Variants in MSI2 observed in about 807,000 individuals in gnomAD.
The protein encoded by MSI2 is musashi RNA binding protein 2.
Under a neutral mutation model 45.6 loss-of-function variants are expected in MSI2, and 17 were observed. That is an observed-to-expected ratio of 0.37 (90% CI 0.26 to 0.56). The LOEUF (loss-of-function observed/expected upper bound fraction) is 0.56. Ranked by LOEUF, MSI2 falls within the 20% of genes least tolerant of loss-of-function variation. The pLI, the probability that MSI2 is intolerant of heterozygous loss-of-function variation, is 0.77. For missense variants in MSI2, 293 were observed against 444.2 expected, an observed-to-expected ratio of 0.66 and a Z score of 3.06; for synonymous variants, 156 against 158.2, an observed-to-expected ratio of 0.99 and a Z score of 0.11.
At position 57,477,174 on chromosome 17, in the gene MSI2, G is replaced by A. The variant is rs945883784; in HGVS notation, c.406-52502G>A. Among the ~76,000 whole-genome samples, 190 of 150,326 alleles carry A rather than the reference G, an allele frequency of 1.3e-3. 1 individual carries two copies. The highest frequency in any genetic ancestry group is 4.6e-3 in the African/African-American group (187 of 40,770). On this transcript the variant is annotated intron_variant, in intron 6 of 13. Coordinates refer to ENST00000284073, the MANE Select transcript of MSI2 (RefSeq NM_138962.4). Reference sequence around the variant, plus strand: ...TGTGTGTGTGTGTGTGTGTGTGTGTGTGTGTGTGTGTGTGTGTGTGTGTGT... The same window carrying A: ...TGTGTGTGTGTGTGTGTGTGTGTGTATGTGTGTGTGTGTGTGTGTGTGTGT...
intron 10 of MSI2, among the ~76,000 whole-genome samples, chr17:57,646,608 A>G (rs1026328427): frequency 3.3e-5 from 5 of 152,214 alleles, no homozygotes; most frequent in Non-Finnish European, 7.4e-5. Context: ...TGTCGTGTCC[A>G]ATTGCACAGC....
intron 5 of MSI2, among the ~76,000 whole-genome samples, chr17:57,382,609 T>A (rs963104370): frequency 6.6e-6 from 1 of 152,144 alleles, no homozygotes; most frequent in African/African-American, 2.4e-5. Context: ...GGGAAACTGA[T>A]AACAAAGGGC....
chr17:57,319,979 T>TA (rs1328477759), intron 5 of MSI2, among the ~76,000 whole-genome samples: 1 of 152,072 alleles, frequency 6.6e-6, no homozygotes, highest in African/African-American at 2.4e-5. Flanking sequence ...TCAGATCCCT[T>TA]ATTGTTCCTC....
At chr17:57,255,905 T>C (rs1309919380), upstream of MSI2, 1 of 151,288 alleles carries the variant, frequency 6.6e-6, no homozygotes, top group Non-Finnish European at 1.5e-5. Context: ...GGCTGGTGTT[T>C]GTGCAGGAGG....
At chr17:57,364,774 C>A (rs1308600195) in intron 5 of MSI2, 1 of 152,178 alleles carries the variant, frequency 6.6e-6, no homozygotes, top group East Asian at 1.9e-4. Context: ...CCCAAGCTCC[C>A]TTTTGGGATT....
chr17:57,662,268 G>A (rs777063323), intron 11 of MSI2, among the ~76,000 whole-genome samples: 1 of 152,182 alleles, frequency 6.6e-6, no homozygotes, highest in Non-Finnish European at 1.5e-5. Context: ...ACACCACGAT[G>A]GCAGCCACTC....
chr17:57,377,065 C>T (rs985980770), intron 5 of MSI2, among the ~76,000 whole-genome samples: 2 of 152,170 alleles, frequency 1.3e-5, no homozygotes, highest in African/African-American at 2.4e-5. Flanking sequence ...GGACTACAGG[C>T]GCCCGCCACC....
intron 6 of MSI2, among the ~76,000 whole-genome samples, chr17:57,416,647 T>G (rs1187999393): frequency 6.7e-6 from 1 of 149,810 alleles, no homozygotes; most frequent in African/African-American, 2.4e-5. Flanking sequence ...GTTGTTGCCC[T>G]TTTTGGGGGT....
downstream of MSI2, among the ~76,000 whole-genome samples, chr17:57,686,278 A>G (rs903444146): frequency 2.6e-5 from 4 of 152,222 alleles, no homozygotes; most frequent in African/African-American, 9.6e-5. Flanking sequence ...GCTAGAGAAC[A>G]ACAAATTTTC....
chr17:57,427,345 C>T (rs1156544353), intron 6 of MSI2, among the ~76,000 whole-genome samples: 8 of 151,864 alleles, frequency 5.3e-5, no homozygotes, highest in South Asian at 2.1e-4. Flanking sequence ...TTGCAGTGAG[C>T]GGAGATCGCA....
intron 6 of MSI2, among the ~76,000 whole-genome samples, chr17:57,459,386 G>T (rs1351788261): frequency 6.6e-6 from 1 of 152,192 alleles, no homozygotes; most frequent in Non-Finnish European, 1.5e-5. Flanking sequence ...GCATCACGCG[G>T]CCTGGAGACA....
intron 10 of MSI2, among the ~76,000 whole-genome samples, chr17:57,650,825 G>A (rs1337212874): frequency 6.6e-6 from 1 of 152,132 alleles, no homozygotes; most frequent in African/African-American, 2.4e-5. Context: ...TCTGTTTGGG[G>A]GAGCTTTGTC....
intron 5 of MSI2, among the ~76,000 whole-genome samples, chr17:57,366,667 G>A (rs927512390): frequency 1.6e-4 from 24 of 152,176 alleles, no homozygotes; most frequent in African/African-American, 5.8e-4. Flanking sequence ...GAAGAGGTGG[G>A]GACAGCCAAG....
chr17:57,551,787 C>T (rs1410989221), intron 7 of MSI2, among the ~76,000 whole-genome samples: 1 of 152,184 alleles, frequency 6.6e-6, no homozygotes, highest in African/African-American at 2.4e-5. Context: ...TTAAAAAGAT[C>T]ACGGGCGTGA....
intron 6 of MSI2, among the ~76,000 whole-genome samples, chr17:57,467,555 G>A (rs2085350928): frequency 6.6e-6 from 1 of 152,166 alleles, no homozygotes; most frequent in South Asian, 2.1e-4. Context: ...AAGATGGCTA[G>A]ATGGGTGGAT....
chr17:57,416,236 G>T (rs1256232532), intron 6 of MSI2, among the ~76,000 whole-genome samples: 1 of 152,194 alleles, frequency 6.6e-6, no homozygotes, highest in African/African-American at 2.4e-5. Flanking sequence ...TTTGTAGGGG[G>T]TTGTTTGTTT....
intron 6 of MSI2, among the ~76,000 whole-genome samples, chr17:57,420,055 G>A (rs536402904): frequency 2.0e-5 from 3 of 152,338 alleles, no homozygotes; most frequent in South Asian, 2.1e-4. Context: ...ATGATCTGAC[G>A]ACCTTGTAAG....
In MSI2 at chr17:57,613,060, T is replaced by C. The variant is rs556897861; in HGVS notation, c.538-2910T>C. ...GCCAATTTGGATGAGTTTGTTGTTT[T>C]CAATCACCTTTCCCCCCTACCTGCA... On this transcript the variant is annotated intron_variant, in intron 8 of 13. Transcript: ENST00000284073. Among the ~76,000 whole-genome samples, 252 of 152,300 alleles carry C rather than the reference T, an allele frequency of 1.7e-3. 3 individuals carry two copies. The highest frequency in any genetic ancestry group is 6.0e-3 in the African/African-American group (248 of 41,568).
chr17:57,618,595 G>A lies in MSI2; in HGVS notation c.652+2511G>A, dbSNP rs567540569. ...AGTCTCGCTCTGTCGCCAGGCTGGA[G>A]TGCCGTGGCGCGATCTCAGCTCACT... On this transcript the variant is annotated intron_variant, in intron 9 of 13. Transcript: ENST00000284073. Among the ~76,000 whole-genome samples, 20 of 152,264 alleles carry A rather than the reference G, an allele frequency of 1.3e-4. No individual in the cohort carries two copies. The South Asian group carries it at 3.7e-3, about 28-fold the overall frequency.
Sources: gnomAD v4.1 joint callset for allele counts (sites outside exome capture counted in the v4.1 genomes callset) on GRCh38, gnomAD v4.1.1 for gene constraint, MANE v1.5 for transcripts, NCBI Gene and HGNC (gene_info 2026-07-23, HGNC 2026-07-21) for gene names.